CYSLTR2: variants seen among roughly 807,000 people sequenced by gnomAD.
The protein encoded by CYSLTR2 is G-protein coupled receptor GPCR21.
For synonymous variants in CYSLTR2, 179 were observed against 160.8 expected (o/e 1.11, Z -0.86); for missense variants, 398 against 411.9 (o/e 0.97, Z 0.29).
intron 1 of CYSLTR2, among the ~76,000 whole-genome samples, chr13:48,668,220 A>C (rs1052152478): frequency 6.6e-6 from 1 of 152,150 alleles, no homozygotes; most frequent in South Asian, 2.1e-4. Context: ...GTTTTTATAC[A>C]AGTGCCATAG....
At chr13:48,657,299 T>C (rs899077638) in intron 1 of CYSLTR2, among the ~76,000 whole-genome samples, 1 of 152,194 alleles carries the variant, frequency 6.6e-6, no homozygotes, top group African/African-American at 2.4e-5. Context: ...CTAGTTATTA[T>C]TCGAGAGGCC....
At chr13:48,656,953 C>A (rs1303391665) in intron 1 of CYSLTR2, among the ~76,000 whole-genome samples, 1 of 152,190 alleles carries the variant, frequency 6.6e-6, no homozygotes, top group Admixed American at 6.5e-5. Context: ...CACTGTATTT[C>A]TTTATTTCTC....
At chr13:48,696,716 G>A (rs2138964584) in intron 4 of CYSLTR2, 90 bp downstream of exon 4, 1 of 152,364 alleles carries the variant, frequency 6.6e-6, no homozygotes. Flanking sequence ...AAGCACAAGG[G>A]GTCAGGGAAT....
intron 1 of CYSLTR2, among the ~76,000 whole-genome samples, chr13:48,690,436 C>T (rs1044260504): frequency 6.6e-6 from 1 of 152,000 alleles, no homozygotes; most frequent in Non-Finnish European, 1.5e-5. Flanking sequence ...TCATCAATAT[C>T]TAGTTTATTG....
chr13:48,658,340 A>G (rs899575854), intron 1 of CYSLTR2, among the ~76,000 whole-genome samples: 1 of 152,214 alleles, frequency 6.6e-6, no homozygotes, highest in Admixed American at 6.5e-5. Flanking sequence ...ACACATTAAC[A>G]TCATTTCATT....
chr13:48,680,935 T>A (rs1953738881), intron 1 of CYSLTR2, among the ~76,000 whole-genome samples: 1 of 151,874 alleles, frequency 6.6e-6, no homozygotes, highest in African/African-American at 2.4e-5. Flanking sequence ...CTAAATGGAA[T>A]TTTGAATGTG....
intron 1 of CYSLTR2, among the ~76,000 whole-genome samples, chr13:48,663,398 G>C (rs1396646832): frequency 6.6e-6 from 1 of 152,090 alleles, no homozygotes; most frequent in Non-Finnish European, 1.5e-5. Context: ...ATTTTGATAG[G>C]AATTGCATTG....
intron 1 of CYSLTR2, among the ~76,000 whole-genome samples, chr13:48,686,787 T>G (rs1310138282): frequency 6.6e-6 from 1 of 152,236 alleles, no homozygotes; most frequent in Non-Finnish European, 1.5e-5. Context: ...GTATAATTTA[T>G]GACTTTTTTC....
chr13:48,689,211 G>A (rs1046340645), intron 1 of CYSLTR2, among the ~76,000 whole-genome samples: 1 of 152,144 alleles, frequency 6.6e-6, no homozygotes, highest in African/African-American at 2.4e-5. Context: ...TAGGTTGCCT[G>A]TTCACTCTGA....
rs1410826065 is a variant in CYSLTR2 at position 48,710,130 on chromosome 13, A to G, written c.*2272A>G. On this transcript the variant is annotated 3_prime_UTR_variant, in exon 5 of 5. Transcript: ENST00000682523. ...GTGAATAATATTTACATAGAGGATAATGTGAATATAATAGTCTCCCATTAT... is the reference window on the plus strand; with the variant it reads ...GTGAATAATATTTACATAGAGGATAGTGTGAATATAATAGTCTCCCATTAT... 1 of 152,266 alleles carries G rather than the reference A, an allele frequency of 6.6e-6. No individual in the cohort carries two copies. The highest frequency in any genetic ancestry group is 1.5e-5 in the Non-Finnish European group (1 of 68,068). 9.4% of individuals were successfully genotyped at this position (152,266 alleles called of 1,614,324 possible).
chr13:48,681,062 G>C (rs1338899606), intron 1 of CYSLTR2, among the ~76,000 whole-genome samples: 1 of 151,894 alleles, frequency 6.6e-6, no homozygotes, highest in Non-Finnish European at 1.5e-5. Flanking sequence ...CAGTATCAAT[G>C]CCTCTGGCTT....
At chr13:48,683,309 C>A (rs1953807894) in intron 1 of CYSLTR2, among the ~76,000 whole-genome samples, 1 of 152,192 alleles carries the variant, frequency 6.6e-6, no homozygotes, top group South Asian at 2.1e-4. Context: ...CCTCAGACAG[C>A]TTTCCACAAT....
At chr13:48,658,991 G>A (rs1169345999) in intron 1 of CYSLTR2, among the ~76,000 whole-genome samples, 3 of 152,144 alleles carry the variant, frequency 2.0e-5, no homozygotes, top group Non-Finnish European at 4.4e-5. Context: ...GAGCCATTGA[G>A]GAGGCTGTGC....
intron 4 of CYSLTR2, among the ~76,000 whole-genome samples, chr13:48,704,658 GT>G (rs1566107313): frequency 1.3e-5 from 2 of 151,760 alleles, no homozygotes; most frequent in African/African-American, 4.8e-5. Context: ...CTTTTATTCA[GT>G]TTAATATATT....
chr13:48,706,913 A>G lies in CYSLTR2; in HGVS notation c.96A>G (p.Thr32=). 6.2e-7 allele frequency: 1 copy of G among 1,614,260 alleles called. No homozygotes were observed. Among genetic ancestry groups the G allele is most frequent in the Non-Finnish European group, 8.5e-7 (1 of 1,180,038 alleles). The change falls in exon 5 of 5, where the codon ACA becomes ACG. Residue 32 remains threonine, a synonymous_variant. Coordinates refer to ENST00000682523, the MANE Select transcript of CYSLTR2 (RefSeq NM_001308476.3). ...GCAATAACAACAGCAGGAACTGCACAATTGAAAACTTCAAGAGAGAATTTT... is the reference window on the plus strand; with the variant it reads ...GCAATAACAACAGCAGGAACTGCACGATTGAAAACTTCAAGAGAGAATTTT... ...TFSNNNSRNC[T]IENFKREFFP...
intron 1 of CYSLTR2, among the ~76,000 whole-genome samples, chr13:48,676,780 T>C (rs921312965): frequency 6.6e-6 from 1 of 152,212 alleles, no homozygotes; most frequent in Non-Finnish European, 1.5e-5. Flanking sequence ...ATTTGAGCTC[T>C]CCTAGTCCCA....
chr13:48,679,698 C>T (rs1220250766), intron 1 of CYSLTR2, among the ~76,000 whole-genome samples: 3 of 152,188 alleles, frequency 2.0e-5, no homozygotes, highest in Non-Finnish European at 4.4e-5. Flanking sequence ...TGCAGTACAA[C>T]TCACTGTTGC....
intron 1 of CYSLTR2, among the ~76,000 whole-genome samples, chr13:48,683,301 TCAGA>T (rs1272730811): frequency 6.6e-6 from 1 of 152,244 alleles, no homozygotes; most frequent in African/African-American, 2.4e-5. Flanking sequence ...TGAAGAATCC[TCAGA>T]CAGCTTTCCA....
chr13:48,690,020 G>A (rs1259703197), intron 1 of CYSLTR2, among the ~76,000 whole-genome samples: 1 of 152,012 alleles, frequency 6.6e-6, no homozygotes, highest in Non-Finnish European at 1.5e-5. Flanking sequence ...TGTAGCAATT[G>A]TGACTGGGAG....
Sources: allele counts gnomAD v4.1 joint callset (sites outside exome capture counted in the v4.1 genomes callset), GRCh38; gene constraint gnomAD v4.1.1; transcripts MANE v1.5; gene names NCBI Gene and HGNC (gene_info 2026-07-23, HGNC 2026-07-21).